CNTN4: variants seen among roughly 807,000 people sequenced by gnomAD.
The protein encoded by CNTN4 is contactin 4.
A neutral mutation model predicts 122.5 loss-of-function variants in CNTN4; 77 were observed. That is an observed-to-expected ratio of 0.63 (90% CI 0.52 to 0.76). The LOEUF is 0.76. Ranked by LOEUF, CNTN4 falls within the 30% of genes least tolerant of loss-of-function variation. CNTN4 has a pLI of 0.00. For synonymous variants in CNTN4, 512 were observed against 447.0 expected, an observed-to-expected ratio of 1.15 and a Z score of -1.83; for missense variants, 1,256 against 1,259.1, an observed-to-expected ratio of 1.00 and a Z score of 0.04.
At chr3:3,049,017 A>G (rs946684887) in intron 23 of CNTN4, among the ~76,000 whole-genome samples, 1 of 152,210 alleles carries the variant, frequency 6.6e-6, no homozygotes, top group South Asian at 2.1e-4. Context: ...AGTTCTGTTC[A>G]GTCCATTCAG....
At chr3:2,924,794 A>T (rs1276175306) in intron 12 of CNTN4, among the ~76,000 whole-genome samples, 5 of 152,236 alleles carry the variant, frequency 3.3e-5, no homozygotes, top group Non-Finnish European at 5.9e-5. Context: ...TGAAAAGCTA[A>T]ACAAAACCCT....
intron 2 of CNTN4, among the ~76,000 whole-genome samples, chr3:2,150,108 A>G: frequency 6.6e-6 from 1 of 152,178 alleles, no homozygotes; most frequent in Non-Finnish European, 1.5e-5. Context: ...ACACATTGTG[A>G]GCATTCAGTA....
intron 11 of CNTN4, among the ~76,000 whole-genome samples, chr3:2,901,352 G>T (rs1304849739): frequency 1.3e-5 from 2 of 152,166 alleles, no homozygotes; most frequent in Admixed American, 1.3e-4. Context: ...AAATTGAGAG[G>T]CAGTCTTTCA....
At chr3:2,384,255 C>G (rs1418674766) in intron 3 of CNTN4, among the ~76,000 whole-genome samples, 1 of 152,084 alleles carries the variant, frequency 6.6e-6, no homozygotes, top group Non-Finnish European at 1.5e-5. Context: ...CCCTGGTGTA[C>G]TGATGGACCT....
At chr3:2,856,977 T>A (rs911950058) in intron 7 of CNTN4, among the ~76,000 whole-genome samples, 17 of 152,212 alleles carry the variant, frequency 1.1e-4, no homozygotes, top group African/African-American at 1.7e-4. Flanking sequence ...GCAGTGGCAC[T>A]GAACCTGACA....
At chr3:2,829,323 T>C (rs2093053111) in intron 7 of CNTN4, among the ~76,000 whole-genome samples, 1 of 152,234 alleles carries the variant, frequency 6.6e-6, no homozygotes, top group South Asian at 2.1e-4. Flanking sequence ...CTACTTGTGA[T>C]AAACTATCTG....
At chr3:2,834,569 AAAAC>A (rs1343998095) in intron 7 of CNTN4, among the ~76,000 whole-genome samples, 2 of 152,220 alleles carry the variant, frequency 1.3e-5, no homozygotes, top group Non-Finnish European at 1.5e-5. Context: ...TCCATCTCAA[AAAAC>A]AAACAAACTA....
At chr3:2,622,693 G>T (rs1357435362) in intron 4 of CNTN4, among the ~76,000 whole-genome samples, 1 of 152,158 alleles carries the variant, frequency 6.6e-6, no homozygotes, top group Admixed American at 6.5e-5. Context: ...CAGACCTTTT[G>T]AGTTCTTCAT....
intron 2 of CNTN4, among the ~76,000 whole-genome samples, chr3:2,236,061 G>A (rs1246185117): frequency 6.6e-6 from 1 of 152,112 alleles, no homozygotes; most frequent in Non-Finnish European, 1.5e-5. Flanking sequence ...TTTGAGGGAT[G>A]TTAAGTAAGT....
At chr3:2,699,774 G>T (rs1476514978) in intron 4 of CNTN4, among the ~76,000 whole-genome samples, 1 of 152,168 alleles carries the variant, frequency 6.6e-6, no homozygotes, top group East Asian at 1.9e-4. Context: ...AATCATATTT[G>T]TTGCCTAAAG....
intron 4 of CNTN4, among the ~76,000 whole-genome samples, chr3:2,717,784 A>C (rs1227597989): frequency 3.5e-4 from 1 of 2,842 alleles, no homozygotes; most frequent in South Asian, 4.7e-3. Context: ...ACTTCATGTA[A>C]TCACTCCAAT....
rs138018853 is a variant in CNTN4 at position 2,123,239 on chromosome 3, C to G, written c.-145+22600C>G. 3.4e-3 allele frequency among the ~76,000 whole-genome samples: 521 copies of G among 152,306 alleles called. 2 individuals carry two copies. Among genetic ancestry groups the G allele is most frequent in the African/African-American group, 0.011 (478 of 41,576 alleles). ...TCCAAAATGGGAATAACTATCCTCA[C>G]TTTACAATTTTGGAAATTTAAGTTC... On this transcript the variant is annotated intron_variant, in intron 2 of 24. Transcript: ENST00000418658.
chr3:2,933,840 C>T (rs2094545898), intron 13 of CNTN4, among the ~76,000 whole-genome samples: 1 of 152,088 alleles, frequency 6.6e-6, no homozygotes, highest in African/African-American at 2.4e-5. Flanking sequence ...CCATGGAGTG[C>T]ATTGGAGTGC....
At chr3:2,806,101 C>T (rs1302088850) in intron 6 of CNTN4, among the ~76,000 whole-genome samples, 1 of 152,108 alleles carries the variant, frequency 6.6e-6, no homozygotes, top group African/African-American at 2.4e-5. Flanking sequence ...GGGGGTCTCA[C>T]CTTGTTAGCC....
chr3:2,432,184 C>G (rs1363512225), intron 3 of CNTN4, among the ~76,000 whole-genome samples: 1 of 152,206 alleles, frequency 6.6e-6, no homozygotes, highest in Admixed American at 6.5e-5. Context: ...AGTAACTAAA[C>G]ATCTGCCATT....
chr3:3,003,535 G>A (rs1696252631), intron 14 of CNTN4, among the ~76,000 whole-genome samples: 1 of 151,858 alleles, frequency 6.6e-6, no homozygotes, highest in African/African-American at 2.4e-5. Context: ...GAAATTCCCA[G>A]AATAGGAAAA....
intron 2 of CNTN4, among the ~76,000 whole-genome samples, chr3:2,170,681 G>T (rs2036463589): frequency 6.6e-6 from 1 of 152,116 alleles, no homozygotes; most frequent in Non-Finnish European, 1.5e-5. Flanking sequence ...GAGAAATGTA[G>T]GGAGTGAACA....
chr3:2,802,707 C>T (rs2092377529), intron 6 of CNTN4, among the ~76,000 whole-genome samples: 1 of 152,138 alleles, frequency 6.6e-6, no homozygotes, highest in Non-Finnish European at 1.5e-5. Context: ...GTCACTAATT[C>T]AGTGCTTGGG....
chr3:3,026,027 G>T, intron 14 of CNTN4, 75 bp from the exon 15 acceptor site: 1 of 1,367,360 alleles, frequency 7.3e-7, no homozygotes, highest in Non-Finnish European at 1.0e-6. Flanking sequence ...TCCTGCTCTT[G>T]GAGTCTACAT....
Sources: allele counts gnomAD v4.1 joint callset (sites outside exome capture counted in the v4.1 genomes callset), GRCh38; gene constraint gnomAD v4.1.1; transcripts MANE v1.5; gene names NCBI Gene and HGNC (gene_info 2026-07-23, HGNC 2026-07-21).